Variants in RIMS2 observed in about 807,000 individuals in gnomAD.
RIMS2 encodes the protein regulating synaptic membrane exocytosis 2.
In RIMS2, 59 loss-of-function variants were observed where a neutral mutation model predicts 174.4. That is an observed-to-expected ratio of 0.34 (90% confidence interval 0.27 to 0.42). The LOEUF (loss-of-function observed/expected upper bound fraction) is 0.42, where lower values mean the gene tolerates loss of function less well. Ranked by LOEUF, RIMS2 falls within the 10% of genes least tolerant of loss-of-function variation. The pLI is 1.00. For missense variants in RIMS2, 1,620 were observed against 1,666.3 expected, an observed-to-expected ratio of 0.97 and a Z score of 0.48; for synonymous variants, 606 against 572.5, an observed-to-expected ratio of 1.06 and a Z score of -0.84.
intron 8 of RIMS2, 53 bp downstream of exon 11, chr8:103,916,590 A>T: frequency 1.5e-6 from 2 of 1,375,986 alleles, no homozygotes; most frequent in South Asian, 2.8e-5. Context: ...GTGTTAAACA[A>T]TATGTAATGT....
intron 19 of RIMS2, among the ~76,000 whole-genome samples, chr8:104,154,011 A>G (rs182492143): frequency 4.4e-4 from 67 of 152,324 alleles, no homozygotes; most frequent in African/African-American, 1.6e-3. Flanking sequence ...CGAAGAGGTG[A>G]GTTAGAGTCA....
At chr8:103,925,676 T>C (rs2078637655) in intron 10 of RIMS2, among the ~76,000 whole-genome samples, 1 of 151,538 alleles carries the variant, frequency 6.6e-6, no homozygotes, top group Non-Finnish European at 1.5e-5. Flanking sequence ...CAAATTACAG[T>C]GAGACACATA....
At chr8:104,174,633 C>T (rs941541323) in intron 19 of RIMS2, among the ~76,000 whole-genome samples, 2 of 152,110 alleles carry the variant, frequency 1.3e-5, no homozygotes, top group African/African-American at 4.8e-5. Flanking sequence ...CCCACAGTTG[C>T]TCTTTACAGT....
intron 2 of RIMS2, among the ~76,000 whole-genome samples, chr8:103,756,121 T>A (rs2139954199): frequency 1.3e-5 from 2 of 152,298 alleles, no homozygotes; most frequent in South Asian, 4.1e-4. Context: ...GGTGTGGATG[T>A]CCTTTTTGTT....
In RIMS2 at chr8:104,081,664, A is replaced by T. The variant is rs989109648; in HGVS notation, c.3334+67049A>T. 1.9e-4 allele frequency among the ~76,000 whole-genome samples: 17 copies of T among 89,394 alleles called. 2 individuals are homozygous for T. The highest frequency in any genetic ancestry group is 1.7e-3 in the Admixed American group (17 of 10,034). The allele number at this position is 89,394 out of a possible 152,430, so 58.6% of individuals were successfully genotyped here. A position where few individuals can be genotyped will look rare whatever the true frequency, so the allele number is the denominator to read the frequency against. On this transcript the variant is annotated intron_variant, in intron 19 of 23. Coordinates refer to ENST00000504942, the Ensembl canonical transcript of RIMS2. ...AAAAACAAATTTGACAATAAAAGTG[A>T]AAAAAAAGTTTAATGAAAAGAAATA...
At chr8:103,571,284 C>G (rs951514168) in intron 1 of RIMS2, among the ~76,000 whole-genome samples, 1 of 152,162 alleles carries the variant, frequency 6.6e-6, no homozygotes, top group Non-Finnish European at 1.5e-5. Flanking sequence ...TTCAAATCCC[C>G]TAATATACAA....
chr8:103,811,855 C>G (rs2098689753), intron 3 of RIMS2, among the ~76,000 whole-genome samples: 1 of 152,222 alleles, frequency 6.6e-6, no homozygotes, highest in South Asian at 2.1e-4. Flanking sequence ...AACCAAAGCA[C>G]AGTAGGATTA....
chr8:103,531,531 A>G (rs539617425), intron 1 of RIMS2, among the ~76,000 whole-genome samples: 55 of 152,184 alleles, frequency 3.6e-4, no homozygotes, highest in Non-Finnish European at 5.9e-4. Context: ...CTGCGTGCCC[A>G]CACCCTCATA....
At chr8:103,584,549 C>A (rs1410852408) in intron 1 of RIMS2, among the ~76,000 whole-genome samples, 1 of 151,974 alleles carries the variant, frequency 6.6e-6, no homozygotes, top group South Asian at 2.1e-4. Flanking sequence ...ATAGTCAGTA[C>A]AAATTATTTA....
chr8:103,732,965 T>A (rs2097626893), intron 2 of RIMS2, among the ~76,000 whole-genome samples: 1 of 152,114 alleles, frequency 6.6e-6, no homozygotes, highest in African/African-American at 2.4e-5. Flanking sequence ...GACAAAGTCC[T>A]TTTTACTCTT....
intron 19 of RIMS2, among the ~76,000 whole-genome samples, chr8:104,149,390 A>T (rs1231213660): frequency 6.6e-6 from 1 of 152,252 alleles, no homozygotes; most frequent in Non-Finnish European, 1.5e-5. Flanking sequence ...AATATTCTCC[A>T]GCAGCAGGGA....
intron 1 of RIMS2, among the ~76,000 whole-genome samples, chr8:103,617,869 G>A (rs907542223): frequency 7.9e-5 from 12 of 152,178 alleles, no homozygotes; most frequent in African/African-American, 2.7e-4. Context: ...TGCTGGCAGG[G>A]TTGCAGGGAA....
rs35595373 is a variant in RIMS2 at position 103,709,340 on chromosome 8, G to GTT, written c.387+12059_387+12060dup. On this transcript the variant is annotated intron_variant, in intron 2 of 23. Transcript: ENST00000504942. ...TGATTACTCTCATTACGGTATGTGG[G>GTT]TTTTTTTTTTTTTTTTGTACTTTTT... 6.2e-4 allele frequency among the ~76,000 whole-genome samples: 82 copies of GTT among 132,836 alleles called. 1 individual carries two copies. The highest frequency in any genetic ancestry group is 1.5e-3 in the African/African-American group (52 of 35,752). 87.1% of individuals were successfully genotyped at this position (132,836 alleles called of 152,430 possible).
chr8:104,046,482 G>A lies in RIMS2; in HGVS notation c.3334+31867G>A, dbSNP rs1419174793. ...ATATATGACATATTTTGAATGCTCT[G>A]TGCTTTTATATGGCATGTTGTTATA... On this transcript the variant is annotated intron_variant, in intron 19 of 23. Transcript: ENST00000504942. 2.0e-5 allele frequency among the ~76,000 whole-genome samples: 3 copies of A among 152,052 alleles called. No homozygotes were observed. In the East Asian group the frequency reaches 5.8e-4, roughly 29 times the overall value.
rs745560574 is a variant in RIMS2 at position 103,652,242 on chromosome 8, G to A, written c.177-44844G>A. 1.0e-5 allele frequency: 14 copies of A among 1,346,864 alleles called. No homozygotes were observed. The highest frequency in any genetic ancestry group is 1.9e-5 in the Admixed American group (1 of 52,422). The allele number at this position is 1,346,864 out of a possible 1,614,324, so 83.4% of individuals were successfully genotyped here. A position where few individuals can be genotyped will look rare whatever the true frequency, so the allele number is the denominator to read the frequency against. On this transcript the variant is annotated intron_variant, in intron 1 of 23. Coordinates refer to ENST00000504942, the Ensembl canonical transcript of RIMS2. ...ACACAAACCACAACTGACACAGTAA[G>A]TAAATGTATTAAGAGTGTAGTAGGC...
At chr8:103,651,841 GA>G (rs2096458093) in intron 1 of RIMS2, among the ~76,000 whole-genome samples, 1 of 151,366 alleles carries the variant, frequency 6.6e-6, no homozygotes, top group African/African-American at 2.4e-5. Context: ...CAATATTAAG[GA>G]AAAATTAAAA....
intron 19 of RIMS2, among the ~76,000 whole-genome samples, chr8:104,084,771 G>A (rs2097505779): frequency 6.6e-6 from 1 of 151,994 alleles, no homozygotes; most frequent in South Asian, 2.1e-4. Flanking sequence ...CTTACTATAT[G>A]TCAAGACCTG....
chr8:103,501,135 T>G, intron 1 of RIMS2, 73 bp downstream of exon 1: 1 of 1,215,798 alleles, frequency 8.2e-7, no homozygotes, highest in East Asian at 2.9e-5. Context: ...TGCGGCCGCC[T>G]GCGCGCCCCA....
intron 3 of RIMS2, among the ~76,000 whole-genome samples, 181 bp downstream of exon 6, chr8:103,766,718 T>C (rs2098175799): frequency 6.6e-6 from 1 of 152,198 alleles, no homozygotes; most frequent in Admixed American, 6.5e-5. Context: ...GTTTGAACTA[T>C]CTTAGATTTG....
Sources: allele counts gnomAD v4.1 joint callset (sites outside exome capture counted in the v4.1 genomes callset), GRCh38; gene constraint gnomAD v4.1.1; transcripts MANE v1.5; gene names NCBI Gene and HGNC (gene_info 2026-07-23, HGNC 2026-07-21).